Variants in CYS1 observed in about 807,000 individuals in gnomAD.
CYS1 encodes the protein cystin 1, also known as cystin-1.
CYS1 carries 5 observed loss-of-function variants against 9.6 expected under a neutral mutation model. That is an observed-to-expected ratio of 0.52 (90% CI 0.27 to 1.10). The LOEUF (loss-of-function observed/expected upper bound fraction) is 1.10. Among genes scored for constraint, CYS1 ranks in the 50% least tolerant of loss-of-function variants. The pLI is 0.11. For synonymous variants in CYS1, 88 were observed against 95.7 expected (o/e 0.92, Z 0.47); for missense variants, 221 against 207.9 (o/e 1.06, Z -0.39).
chr2:10,065,524 C>A (rs1661684055), intron 2 of CYS1, among the ~76,000 whole-genome samples: 2 of 152,210 alleles, frequency 1.3e-5, no homozygotes, highest in Non-Finnish European at 1.5e-5. Flanking sequence ...TGCAGGTGGG[C>A]CCGCTGCTGG....
chr2:10,058,896 T>A lies in CYS1; in HGVS notation c.434A>T (p.Glu145Val). Residue 145 changes from glutamate to valine, a missense_variant, in exon 3 of 3, where the codon GAA becomes GTA. Glu to Val is a moderately radical substitution (Grantham distance 121). Transcript: ENST00000381813. ...CTCGATGCTCGCCATCAGCCCCTCT[T>A]CCGAGTGGTCGTAGGAGATGGCTGC... ...RPAAISYDHS[E>V]EGLMASIERE... 6.3e-7 allele frequency: 1 copy of A among 1,595,616 alleles called. No individual in the cohort carries two copies. The highest frequency in any genetic ancestry group is 8.5e-7 in the Non-Finnish European group (1 of 1,171,708).
chr2:10,062,573 A>C (rs1351628739), intron 2 of CYS1, among the ~76,000 whole-genome samples: 1 of 151,728 alleles, frequency 6.6e-6, no homozygotes, highest in Non-Finnish European at 1.5e-5. Context: ...ACTAATTTTT[A>C]TGTATTTTTA....
In CYS1 at chr2:10,058,653, C is replaced by T. The variant is rs780569479; in HGVS notation, c.*200G>A. 2.5e-4 allele frequency: 129 copies of T among 521,994 alleles called. No homozygotes were observed. The highest frequency in any genetic ancestry group is 3.8e-4 in the Non-Finnish European group (110 of 291,886). 32.3% of individuals were successfully genotyped at this position (521,994 alleles called of 1,614,324 possible). A position where few individuals can be genotyped will look rare whatever the true frequency, so the allele number is the denominator to read the frequency against. On this transcript the variant is annotated 3_prime_UTR_variant, in exon 3 of 3. Transcript: ENST00000381813. ...GCACCTGTGGGTCTACACAGCTAATCGCCCCCACCAGCAACCATGACCGCC... is the reference window on the plus strand; with the variant it reads ...GCACCTGTGGGTCTACACAGCTAATTGCCCCCACCAGCAACCATGACCGCC...
chr2:10,058,774 T>C lies in CYS1; in HGVS notation c.*79A>G. The C allele has an allele frequency of 3.1e-6, 4 of 1,292,616 alleles. No homozygotes were observed. The highest frequency in any genetic ancestry group is 2.6e-5 in the East Asian group (1 of 39,036). 80.1% of individuals were successfully genotyped at this position (1,292,616 alleles called of 1,614,324 possible). A position where few individuals can be genotyped will look rare whatever the true frequency, so the allele number is the denominator to read the frequency against. On this transcript the variant is annotated 3_prime_UTR_variant, in exon 3 of 3. Coordinates refer to ENST00000381813, the MANE Select transcript of CYS1 (RefSeq NM_001037160.3). ...TGCGTTTTGGAGGTGGTTCAGCTCC[T>C]GCTAGAGCTCTGTGCAAGCAGAGGG...
intron 1 of CYS1, among the ~76,000 whole-genome samples, chr2:10,070,626 G>A (rs970604006): frequency 2.0e-5 from 3 of 151,860 alleles, no homozygotes; most frequent in Admixed American, 1.3e-4. Flanking sequence ...GATTACAGGT[G>A]TGAGCCACTG....
rs1188532422 is a variant in CYS1, at chr2:10,063,152, A to G, written c.371+2752T>C. Among the ~76,000 whole-genome samples the G allele has an allele frequency of 6.6e-6, 1 of 152,206 alleles. No individual in the cohort carries two copies. The highest frequency in any genetic ancestry group is 1.5e-5 in the Non-Finnish European group (1 of 68,032). On this transcript the variant is annotated intron_variant, in intron 2 of 2. Transcript: ENST00000381813. This position sits in a 1 kb window ranked among gnomAD's most constrained non-coding sequence, Gnocchi z 4.2. ...AGGCTGACATTAAACAATCCTGTCA[A>G]TAAGCGTCTATGAAATGCTACCATG...
intron 2 of CYS1, among the ~76,000 whole-genome samples, chr2:10,064,054 C>A (rs980219641): frequency 3.3e-5 from 5 of 152,044 alleles, no homozygotes; most frequent in African/African-American, 9.7e-5. Flanking sequence ...GAAACCCTGT[C>A]TCTACAAAAA....
intron 1 of CYS1, among the ~76,000 whole-genome samples, chr2:10,075,775 C>T (rs944453484): frequency 6.6e-6 from 1 of 152,170 alleles, no homozygotes; most frequent in Non-Finnish European, 1.5e-5. Flanking sequence ...GACACTATTG[C>T]CCGAGACTCT....
At chr2:10,070,241 C>T (rs985280405) in intron 1 of CYS1, among the ~76,000 whole-genome samples, 4 of 152,194 alleles carry the variant, frequency 2.6e-5, no homozygotes, top group African/African-American at 9.7e-5. Flanking sequence ...CCAAGGAGCT[C>T]CCCAGGGTTC....
In CYS1 at chr2:10,065,884, T is replaced by C. The variant is rs778921847; in HGVS notation, c.371+20A>G. The C allele has an allele frequency of 2.5e-6, 4 of 1,613,946 alleles. No homozygotes were observed. Among genetic ancestry groups the C allele is most frequent in the Non-Finnish European group, 2.5e-6 (3 of 1,179,858 alleles). On this transcript the variant is annotated intron_variant, in intron 2 of 2. Transcript: ENST00000381813. ...AAGAACCCGTGGCTTCTGGGAGAGA[T>C]GTGCCTCCCTGGTACTTACTCAGAG... is the stretch of plus-strand genomic sequence containing the variant.
chr2:10,077,335 T>C (rs1410037557), intron 1 of CYS1, among the ~76,000 whole-genome samples: 1 of 152,164 alleles, frequency 6.6e-6, no homozygotes, highest in African/African-American at 2.4e-5. Flanking sequence ...AGAATGATGA[T>C]TCAGGGATAA....
At chr2:10,061,706 G>A (rs922630759) in intron 2 of CYS1, among the ~76,000 whole-genome samples, 1 of 152,230 alleles carries the variant, frequency 6.6e-6, no homozygotes, top group Non-Finnish European at 1.5e-5. Context: ...AGGGTGAGTA[G>A]GACGGTAGGC....
rs1661552749 is a variant in CYS1 at position 10,056,676 on chromosome 2, A to C, written c.*2177T>G. The C allele has an allele frequency of 6.6e-6, 1 of 152,320 alleles. No homozygotes were observed. The highest frequency in any genetic ancestry group is 1.5e-5 in the Non-Finnish European group (1 of 68,096). 9.4% of individuals were successfully genotyped at this position (152,320 alleles called of 1,614,324 possible). On this transcript the variant is annotated 3_prime_UTR_variant, in exon 3 of 3. Coordinates refer to ENST00000381813, the MANE Select transcript of CYS1 (RefSeq NM_001037160.3). ...AGGAGGTGCCAGGCACACAGGAGGC[A>C]CTGGGACAGACTCGGGCCGGGCTGC...
intron 1 of CYS1, among the ~76,000 whole-genome samples, chr2:10,079,571 C>A (rs1413910184): frequency 6.6e-6 from 1 of 152,052 alleles, no homozygotes; most frequent in African/African-American, 2.4e-5. Context: ...TGCCGTGCCA[C>A]CACCGCCGGC....
intron 1 of CYS1, among the ~76,000 whole-genome samples, chr2:10,072,667 A>G (rs1348423964): frequency 1.3e-5 from 2 of 152,204 alleles, no homozygotes; most frequent in African/African-American, 4.8e-5. Context: ...AAACTTGAAC[A>G]TGTACAGTAG....
Position 10,058,822 on chromosome 2 carries a change from C to T in CYS1, c.*31G>A, listed in dbSNP as rs755442739. The T allele has an allele frequency of 5.9e-6, 9 of 1,527,716 alleles. No homozygotes were observed. The highest frequency in any genetic ancestry group is 2.4e-5 in the South Asian group (2 of 83,222). 94.6% of individuals were successfully genotyped at this position (1,527,716 alleles called of 1,614,324 possible). A position where few individuals can be genotyped will look rare whatever the true frequency, so the allele number is the denominator to read the frequency against. ...GGGTGCCCCAGCCAGCAGGTGCCTC[C>T]GAGGCCTGGCGGGGGTGGAGCATGC... is the stretch of plus-strand genomic sequence containing the variant. On this transcript the variant is annotated 3_prime_UTR_variant, in exon 3 of 3. Coordinates refer to ENST00000381813, the MANE Select transcript of CYS1 (RefSeq NM_001037160.3).
rs1382188281 is a variant in CYS1 at position 10,080,232 on chromosome 2, C to T, written c.-9G>A. 3 of 1,046,420 alleles carry T rather than the reference C, an allele frequency of 2.9e-6. No homozygotes were observed. The highest frequency in any genetic ancestry group is 5.6e-5 in the Admixed American group (1 of 17,734). 64.8% of individuals were successfully genotyped at this position (1,046,420 alleles called of 1,614,324 possible). ...CTGCTGCCGCTGCCCATGGCGCGCC[C>T]GCCGCCTCCCGGACCGCCGAGGGGG... On this transcript the variant is annotated 5_prime_UTR_variant, in exon 1 of 3. Coordinates refer to ENST00000381813, the MANE Select transcript of CYS1 (RefSeq NM_001037160.3). The surrounding 1 kb of genome is among the most constrained non-coding windows in gnomAD (Gnocchi z 6.4).
intron 2 of CYS1, among the ~76,000 whole-genome samples, chr2:10,062,050 C>T (rs1661635750): frequency 6.6e-6 from 1 of 151,858 alleles, no homozygotes; most frequent in African/African-American, 2.4e-5. Flanking sequence ...CTTTGTCACC[C>T]AGGCTGAAAT....
rs189732299 is a variant in CYS1 at position 10,078,771 on chromosome 2, C to T, written c.318+1135G>A. On this transcript the variant is annotated intron_variant, in intron 1 of 2. Coordinates refer to ENST00000381813, the MANE Select transcript of CYS1 (RefSeq NM_001037160.3). ...TGCTGTGTGGCCTCATCCCTAGCAC[C>T]CACAGCGGGACCGGTGCTCAAAGGA... 5.9e-5 allele frequency among the ~76,000 whole-genome samples: 9 copies of T among 152,324 alleles called. 1 individual carries two copies. The East Asian group carries it at 9.6e-4, about 16-fold the overall frequency.
Sources: gnomAD v4.1 joint callset for allele counts (sites outside exome capture counted in the v4.1 genomes callset) on GRCh38, gnomAD v4.1.1 for gene constraint, Gnocchi (gnomAD v3.1) non-coding constraint, MANE v1.5 for transcripts, NCBI Gene and HGNC (gene_info 2026-07-23, HGNC 2026-07-21) for gene names.